Variants in SGCD observed in about 807,000 individuals in gnomAD.
SGCD encodes sarcoglycan delta, also known as delta-sarcoglycan.
A neutral mutation model predicts 36.6 loss-of-function variants in SGCD; 18 were observed. That is an observed-to-expected ratio of 0.49 (90% CI 0.34 to 0.73). The LOEUF (loss-of-function observed/expected upper bound fraction) is 0.73, where lower values mean the gene tolerates loss of function less well. SGCD is among the 30% of genes least tolerant of loss of function. SGCD has a pLI of 0.01. For missense variants in SGCD, 387 were observed against 346.7 expected (o/e 1.12, Z -0.92); for synonymous variants, 133 against 130.6 (o/e 1.02, Z -0.12).
At chr5:156,308,369 G>A (rs977817402) in intron 3 of SGCD, among the ~76,000 whole-genome samples, 6 of 151,696 alleles carry the variant, frequency 4.0e-5, no homozygotes, top group African/African-American at 1.5e-4. Flanking sequence ...CGCAATCTCG[G>A]CTCACTGAAA....
At chr5:156,507,046 A>T (rs1009824686) in intron 3 of SGCD, among the ~76,000 whole-genome samples, 4 of 152,192 alleles carry the variant, frequency 2.6e-5, no homozygotes, top group Non-Finnish European at 5.9e-5. Flanking sequence ...ACCTCCCATG[A>T]AGTAAGTAAA....
chr5:156,169,740 C>T (rs1763297968), intron 3 of SGCD, among the ~76,000 whole-genome samples: 1 of 151,932 alleles, frequency 6.6e-6, no homozygotes, highest in Non-Finnish European at 1.5e-5. Flanking sequence ...TTGAGATGGA[C>T]TAAATAGCAT....
intron 3 of SGCD, among the ~76,000 whole-genome samples, chr5:156,139,433 T>A (rs1216327000): frequency 2.0e-5 from 3 of 152,192 alleles, no homozygotes; most frequent in Admixed American, 6.5e-5. Context: ...TAAACAAGGC[T>A]GTCTTTCTCT....
Position 156,286,166 on chromosome 5 carries a change from A to G in SGCD, c.-43-43368A>G, listed in dbSNP as rs555237801. ...TTAGAATGGTGATCATTAAAAAGTCAGGAAACAACAGGTGCTAGAGAGGAT... is the reference window on the plus strand; with the variant it reads ...TTAGAATGGTGATCATTAAAAAGTCGGGAAACAACAGGTGCTAGAGAGGAT... On this transcript the variant is annotated intron_variant, in intron 3 of 9. Transcript: ENST00000517913. 4.2e-3 allele frequency among the ~76,000 whole-genome samples: 643 copies of G among 152,328 alleles called. 3 individuals are homozygous for G. Among genetic ancestry groups the G allele is most frequent in the Middle Eastern group, 0.031 (9 of 294 alleles).
chr5:156,415,824 G>T (rs1773000857), intron 3 of SGCD, among the ~76,000 whole-genome samples: 1 of 152,086 alleles, frequency 6.6e-6, no homozygotes, highest in African/African-American at 2.4e-5. Flanking sequence ...GGGTTAAATA[G>T]GGCAAAACTT....
At chr5:156,335,173 C>T (rs1470020926) in intron 2 of SGCD, among the ~76,000 whole-genome samples, 1 of 152,156 alleles carries the variant, frequency 6.6e-6, no homozygotes, top group Admixed American at 6.5e-5. Context: ...AATGTATCTG[C>T]CTGAAAGCAC....
At chr5:156,423,244 T>C (rs796788824) in intron 3 of SGCD, among the ~76,000 whole-genome samples, 1 of 2,782 alleles carries the variant, frequency 3.6e-4, no homozygotes, top group African/African-American at 9.4e-4. Context: ...ATATTATATT[T>C]TATAATATTA....
intron 3 of SGCD, among the ~76,000 whole-genome samples, chr5:156,134,910 C>T (rs1762419716): frequency 6.6e-6 from 1 of 152,156 alleles, no homozygotes; most frequent in South Asian, 2.1e-4. Flanking sequence ...AGCTGGAAGT[C>T]ACATATTCCC....
chr5:156,402,444 CTG>C (rs1200234383), intron 3 of SGCD, among the ~76,000 whole-genome samples: 3 of 152,160 alleles, frequency 2.0e-5, no homozygotes, highest in African/African-American at 7.2e-5. Flanking sequence ...AAAGTATACT[CTG>C]AGAGATGATT....
chr5:156,155,557 A>G (rs1425323977), intron 3 of SGCD, among the ~76,000 whole-genome samples: 2 of 151,352 alleles, frequency 1.3e-5, no homozygotes, highest in Non-Finnish European at 2.9e-5. Flanking sequence ...AGTGGGAAAG[A>G]AACACCAACA....
At chr5:155,777,362 T>G in the SGCD span, among the ~76,000 whole-genome samples, 2 of 15,552 alleles carry the variant, frequency 1.3e-4, no homozygotes, top group Non-Finnish European at 3.0e-4. Flanking sequence ...GTTTTTTTGT[T>G]TTTTTTTTTT....
At chr5:156,324,211 C>T (rs1767745738), upstream of SGCD, among the ~76,000 whole-genome samples, 1 of 152,114 alleles carries the variant, frequency 6.6e-6, no homozygotes, top group Admixed American at 6.5e-5. Context: ...GCAGAGACTA[C>T]ATTAGGTACA....
chr5:156,601,637 A>G (rs1581234493), intron 6 of SGCD, among the ~76,000 whole-genome samples: 1 of 152,094 alleles, frequency 6.6e-6, no homozygotes, highest in African/African-American at 2.4e-5. Flanking sequence ...GATGAATTTT[A>G]GAATTTTTTT....
intron 3 of SGCD, among the ~76,000 whole-genome samples, chr5:156,159,856 A>G (rs918193107): frequency 3.3e-5 from 5 of 151,558 alleles, no homozygotes; most frequent in Admixed American, 6.6e-5. Flanking sequence ...TAATGGCTAC[A>G]TGAGAATACC....
intron 7 of SGCD, among the ~76,000 whole-genome samples, chr5:156,672,830 T>C (rs1472273688): frequency 6.6e-6 from 1 of 152,148 alleles, no homozygotes; most frequent in Non-Finnish European, 1.5e-5. Context: ...GCCCTTCTCT[T>C]GTTTGCTGTA....
At chr5:156,144,116 T>C (rs967619943) in intron 3 of SGCD, among the ~76,000 whole-genome samples, 3 of 152,064 alleles carry the variant, frequency 2.0e-5, no homozygotes, top group African/African-American at 7.2e-5. Flanking sequence ...ATGTGCCACA[T>C]TTTCTTAATC....
intron 7 of SGCD, among the ~76,000 whole-genome samples, chr5:156,702,997 CTATAA>C (rs1215870264): frequency 6.6e-6 from 1 of 152,190 alleles, no homozygotes; most frequent in Non-Finnish European, 1.5e-5. Flanking sequence ...GGTTCTGCTC[CTATAA>C]TATAAGCCAC....
At chr5:156,520,165 A>G (rs778769866) in intron 4 of SGCD, among the ~76,000 whole-genome samples, 51 of 152,212 alleles carry the variant, frequency 3.4e-4, no homozygotes, top group Non-Finnish European at 6.9e-4. Flanking sequence ...AACTTCAGGA[A>G]AGTCTCAAGA....
At chr5:156,719,933 C>T (rs1446237103) in intron 7 of SGCD, among the ~76,000 whole-genome samples, 2 of 151,976 alleles carry the variant, frequency 1.3e-5, no homozygotes, top group Non-Finnish European at 2.9e-5. Flanking sequence ...CACAGTTCTC[C>T]TTAATCTCCT....
Sources: gnomAD v4.1 joint callset for allele counts (sites outside exome capture counted in the v4.1 genomes callset) on GRCh38, gnomAD v4.1.1 for gene constraint, MANE v1.5 for transcripts, NCBI Gene and HGNC (gene_info 2026-07-23, HGNC 2026-07-21) for gene names.